Variants in TK2 observed in about 807,000 individuals in gnomAD.
TK2 encodes the protein thymidine kinase 2, mitochondrial.
In TK2, 35 loss-of-function variants were observed where a neutral mutation model predicts 41.9. The observed-to-expected ratio is 0.84, with a 90% confidence interval of 0.64 to 1.11. TK2 has a LOEUF of 1.11. TK2 is among the 50% of genes least tolerant of loss of function. The probability of loss-of-function intolerance (pLI) is 0.00; values close to 1 mark genes in which losing one functional copy is unlikely to be tolerated. For synonymous variants in TK2, 128 were observed against 129.1 expected, an observed-to-expected ratio of 0.99 and a Z score of 0.06; for missense variants, 320 against 351.1, an observed-to-expected ratio of 0.91 and a Z score of 0.71.
intron 2 of TK2, among the ~76,000 whole-genome samples, chr16:66,545,765 A>G (rs1346758837): frequency 6.6e-6 from 1 of 152,112 alleles, no homozygotes; most frequent in East Asian, 1.9e-4. Flanking sequence ...CGGAGGTTGC[A>G]GTGAGCCAAG....
At chr16:66,533,453 G>A (rs1277586944) in intron 4 of TK2, among the ~76,000 whole-genome samples, 16 of 151,838 alleles carry the variant, frequency 1.1e-4, no homozygotes, top group Admixed American at 1.1e-3. Flanking sequence ...GGGAGCCCAA[G>A]GCAGGAGGAT....
chr16:66,534,329 T>C (rs189488782), intron 4 of TK2, among the ~76,000 whole-genome samples: 21 of 152,324 alleles, frequency 1.4e-4, no homozygotes, highest in Admixed American at 1.3e-3. Flanking sequence ...CCAAGGAACA[T>C]GCGTTCAAGT....
chr16:66,534,555 C>T (rs919665506), intron 4 of TK2, among the ~76,000 whole-genome samples: 2 of 152,378 alleles, frequency 1.3e-5, no homozygotes, highest in Admixed American at 1.3e-4. Context: ...GGCTTCCAAC[C>T]ACATGAGCTT....
intron 8 of TK2, 71 bp from the exon 9 acceptor site, chr16:66,513,882 G>T: frequency 7.3e-7 from 1 of 1,376,188 alleles, no homozygotes; most frequent in Non-Finnish European, 1.0e-6. Flanking sequence ...GTGTCAAGCA[G>T]AGGGGGTCAA....
intron 6 of TK2, among the ~76,000 whole-genome samples, chr16:66,520,405 C>A (rs1964745676): frequency 6.6e-6 from 1 of 152,186 alleles, no homozygotes; most frequent in Non-Finnish European, 1.5e-5. Context: ...AGGGTAGGCA[C>A]AATCGGTCTA....
chr16:66,549,855 T>G, intron 1 of TK2, 83 bp downstream of exon 1: 2 of 1,284,614 alleles, frequency 1.6e-6, no homozygotes, highest in Non-Finnish European at 2.0e-6. Flanking sequence ...CGCTTCGGGC[T>G]CGGGCGGGTT....
chr16:66,525,799 CTG>C (rs1337815806), intron 6 of TK2, among the ~76,000 whole-genome samples: 1 of 152,230 alleles, frequency 6.6e-6, no homozygotes, highest in African/African-American at 2.4e-5. Context: ...AGAAAGGACA[CTG>C]TAAGTTTCTT....
intron 3 of TK2, among the ~76,000 whole-genome samples, chr16:66,541,427 G>GT (rs955427065): frequency 6.6e-6 from 1 of 152,036 alleles, no homozygotes; most frequent in Admixed American, 6.6e-5. Context: ...TTTTTTGTGG[G>GT]TTTTTTTCTT....
chr16:66,549,556 C>G, intron 1 of TK2: 1 of 1,063,636 alleles, frequency 9.4e-7, no homozygotes, highest in East Asian at 7.1e-5. Flanking sequence ...GGGGCGTAAC[C>G]CCCCTCCCCC....
intron 5 of TK2, 137 bp from the exon 6 acceptor site, chr16:66,529,204 G>A (rs764317493): frequency 2.4e-6 from 2 of 829,186 alleles, no homozygotes; most frequent in South Asian, 1.4e-5. Flanking sequence ...GAGTGAAGCA[G>A]GAGGACCTCC....
chr16:66,532,963 T>C (rs1045403126), intron 4 of TK2, among the ~76,000 whole-genome samples: 1 of 152,176 alleles, frequency 6.6e-6, no homozygotes, highest in African/African-American at 2.4e-5. Context: ...GGCATCACAC[T>C]GCCTGACTTC....
chr16:66,524,997 G>C (rs1205113241), intron 6 of TK2: 5 of 152,252 alleles, frequency 3.3e-5, no homozygotes, highest in African/African-American at 1.2e-4. Flanking sequence ...CCCCTCCTGT[G>C]GTTAGTTCCT....
At chr16:66,515,584 C>A (rs1964588189) in intron 8 of TK2, among the ~76,000 whole-genome samples, 1 of 152,230 alleles carries the variant, frequency 6.6e-6, no homozygotes, top group Admixed American at 6.5e-5. Flanking sequence ...ACATCTCCTG[C>A]CCAGCTCTCC....
chr16:66,540,162 C>CCTTCTTT (rs1965413448), intron 3 of TK2, among the ~76,000 whole-genome samples: 1 of 142,382 alleles, frequency 7.0e-6, no homozygotes, highest in East Asian at 2.2e-4. Flanking sequence ...TCTTTTCTTT[C>CCTTCTTT]TTTCTTTTTT....
chr16:66,550,013 A>G lies in TK2; in HGVS notation c.49T>C (p.Phe17Leu), dbSNP rs941363194. The G allele has an allele frequency of 3.9e-6, 6 of 1,544,336 alleles. No homozygotes were observed. Among genetic ancestry groups the G allele is most frequent in the Non-Finnish European group, 5.2e-6 (6 of 1,146,398 alleles). The change falls in exon 1 of 10, where the codon TTT (phenylalanine) becomes CTT (leucine). Residue 17 changes from phenylalanine (F) to leucine (L), a missense_variant. Transcript: ENST00000544898. ...RGWAARALRC[F>L]GPGSRGSPAS... Reference sequence around the variant, plus strand: ...GGGCTCCCGCGACTTCCCGGCCCAAAGCAGCGCAGCGCCCGGGCGGCCCAG... The same window carrying G: ...GGGCTCCCGCGACTTCCCGGCCCAAGGCAGCGCAGCGCCCGGGCGGCCCAG...
intron 2 of TK2, among the ~76,000 whole-genome samples, chr16:66,542,706 G>A (rs1965493452): frequency 3.3e-5 from 5 of 152,080 alleles, no homozygotes; most frequent in Admixed American, 2.6e-4. Flanking sequence ...AAAGACCAAG[G>A]AGCATCCTAG....
chr16:66,549,853 G>A (rs957044975), intron 1 of TK2, 85 bp downstream of exon 1: 79 of 1,285,574 alleles, frequency 6.1e-5, no homozygotes, highest in African/African-American at 9.3e-5. Context: ...GGCGCTTCGG[G>A]CTCGGGCGGG....
chr16:66,530,969 T>C (rs940406031), intron 5 of TK2, among the ~76,000 whole-genome samples: 3 of 152,292 alleles, frequency 2.0e-5, no homozygotes, highest in Admixed American at 2.0e-4. Flanking sequence ...GTGATCCGCA[T>C]GCCTCAGCCT....
At chr16:66,545,618 G>C (rs1170959280) in intron 2 of TK2, among the ~76,000 whole-genome samples, 1 of 152,188 alleles carries the variant, frequency 6.6e-6, no homozygotes, top group African/African-American at 2.4e-5. Context: ...GAGGTTAGGA[G>C]TTCGAGACCA....
Sources: gnomAD v4.1 joint callset for allele counts (sites outside exome capture counted in the v4.1 genomes callset) on GRCh38, gnomAD v4.1.1 for gene constraint, MANE v1.5 for transcripts, NCBI Gene and HGNC (gene_info 2026-07-23, HGNC 2026-07-21) for gene names.